The following EHBP1 variants were observed in gnomAD, a reference collection of about 807,000 sequenced individuals.
EHBP1 encodes EH domain-binding protein 1.
Under a neutral mutation model 144.0 loss-of-function variants are expected in EHBP1, and 55 were observed. The ratio of observed to expected loss-of-function variants is 0.38; its 90% CI spans 0.31 to 0.48. EHBP1 has a LOEUF of 0.48. EHBP1 is among the 20% of genes least tolerant of loss of function. The pLI, the probability that EHBP1 is intolerant of heterozygous loss-of-function variation, is 0.98. For synonymous variants in EHBP1, 469 were observed against 472.7 expected, an observed-to-expected ratio of 0.99 and a Z score of 0.10; for missense variants, 1,200 against 1,364.2, an observed-to-expected ratio of 0.88 and a Z score of 1.90.
At chr2:62,887,861 G>T (rs1287547392) in intron 10 of EHBP1, among the ~76,000 whole-genome samples, 1 of 152,108 alleles carries the variant, frequency 6.6e-6, no homozygotes, top group Non-Finnish European at 1.5e-5. Flanking sequence ...AAAAACCCAG[G>T]CTGTCGAAGT....
chr2:62,680,352 G>A (rs945562618), intron 1 of EHBP1, among the ~76,000 whole-genome samples: 1 of 152,168 alleles, frequency 6.6e-6, no homozygotes, highest in African/African-American at 2.4e-5. Context: ...AATTACCAGA[G>A]GCAAAGGAGA....
chr2:62,998,034 C>G (rs1559045657), intron 19 of EHBP1, among the ~76,000 whole-genome samples: 1 of 151,084 alleles, frequency 6.6e-6, no homozygotes, highest in Non-Finnish European at 1.5e-5. Flanking sequence ...AATTTAAAAC[C>G]AAAAATACTT....
intron 15 of EHBP1, among the ~76,000 whole-genome samples, chr2:62,986,754 G>C (rs562753098): frequency 6.6e-5 from 10 of 151,782 alleles, no homozygotes; most frequent in Non-Finnish European, 1.2e-4. Context: ...TTTCTTTATT[G>C]TTTTCTTCTT....
intron 5 of EHBP1, among the ~76,000 whole-genome samples, chr2:62,808,802 A>G (rs889926484): frequency 2.6e-5 from 4 of 152,148 alleles, no homozygotes; most frequent in Admixed American, 2.6e-4. Flanking sequence ...ATTAGGTTTC[A>G]GTCTTAGAGT....
At position 62,730,924 on chromosome 2, in the gene EHBP1, G is replaced by C. The variant is rs373787273; in HGVS notation, c.105-16471G>C. On this transcript the variant is annotated intron_variant, in intron 2 of 22. Transcript: ENST00000431489. ...AGACACAGTGAGAGAGACAGGTAGAGAGAGAGACAGAGATAGAAAGACAGA... is the reference window on the plus strand; with the variant it reads ...AGACACAGTGAGAGAGACAGGTAGACAGAGAGACAGAGATAGAAAGACAGA... Among the ~76,000 whole-genome samples, 3 of 149,258 alleles carry C rather than the reference G, an allele frequency of 2.0e-5. No homozygotes were observed. In the Admixed American group the frequency reaches 2.0e-4, roughly 10 times the overall value.
At chr2:62,829,964 G>A (rs188747815) in intron 6 of EHBP1, among the ~76,000 whole-genome samples, 11 of 150,814 alleles carry the variant, frequency 7.3e-5, no homozygotes, top group East Asian at 1.9e-4. Context: ...TAGAACTACC[G>A]TCTGATCCAG....
At chr2:62,719,936 A>C (rs138016712) in intron 2 of EHBP1, among the ~76,000 whole-genome samples, 271 of 152,270 alleles carry the variant, frequency 1.8e-3, no homozygotes, top group Middle Eastern at 3.4e-3. Flanking sequence ...TCAAAATTAG[A>C]TTGCTACTTT....
intron 12 of EHBP1, among the ~76,000 whole-genome samples, 188 bp downstream of exon 12, chr2:62,944,038 A>G (rs915072999): frequency 3.9e-5 from 6 of 152,224 alleles, no homozygotes; most frequent in Non-Finnish European, 8.8e-5. Context: ...AAAGACCACA[A>G]GTGCCAGGTT....
At chr2:62,914,182 G>T (rs896121252) in intron 10 of EHBP1, among the ~76,000 whole-genome samples, 11 of 152,132 alleles carry the variant, frequency 7.2e-5, no homozygotes, top group Non-Finnish European at 1.5e-4. Flanking sequence ...AGAGCTAAAT[G>T]AGAGTGGGAG....
At chr2:62,959,299 C>T (rs376004302) in intron 14 of EHBP1, among the ~76,000 whole-genome samples, 1 of 152,282 alleles carries the variant, frequency 6.6e-6, no homozygotes, top group South Asian at 2.1e-4. Context: ...AGGTGGTTTT[C>T]ACATCTTGGC....
chr2:62,785,855 C>T (rs1024592895), intron 5 of EHBP1, among the ~76,000 whole-genome samples: 2 of 152,074 alleles, frequency 1.3e-5, no homozygotes, highest in African/African-American at 4.8e-5. Flanking sequence ...TATATAACTC[C>T]TTGCCCAAAT....
At chr2:62,904,699 A>T (rs924273426) in intron 10 of EHBP1, among the ~76,000 whole-genome samples, 3 of 152,164 alleles carry the variant, frequency 2.0e-5, no homozygotes, top group Admixed American at 1.3e-4. Context: ...CTCACTTGAG[A>T]TCTAACTCAA....
intron 4 of EHBP1, among the ~76,000 whole-genome samples, chr2:62,769,481 G>A (rs944727946): frequency 1.3e-5 from 2 of 151,966 alleles, no homozygotes; most frequent in Admixed American, 6.6e-5. Context: ...GATGAAAACT[G>A]CAAAACACTG....
At chr2:62,821,132 GA>G (rs1314268745) in intron 5 of EHBP1, among the ~76,000 whole-genome samples, 3 of 151,800 alleles carry the variant, frequency 2.0e-5, no homozygotes, top group Non-Finnish European at 4.4e-5. Context: ...ATAAAGCCCT[GA>G]AAAATTATAA....
intron 5 of EHBP1, among the ~76,000 whole-genome samples, chr2:62,777,160 C>T (rs746920338): frequency 6.6e-5 from 10 of 152,098 alleles, no homozygotes; most frequent in East Asian, 1.9e-4. Context: ...TTTGTAGAGA[C>T]GGAGTCTCCC....
At chr2:62,974,950 C>T (rs953600630) in intron 14 of EHBP1, among the ~76,000 whole-genome samples, 3 of 152,156 alleles carry the variant, frequency 2.0e-5, no homozygotes, top group Non-Finnish European at 4.4e-5. Flanking sequence ...CTATTATGCT[C>T]TACAAATTCT....
chr2:62,978,688 A>G (rs1432321979), intron 14 of EHBP1, among the ~76,000 whole-genome samples: 2 of 152,182 alleles, frequency 1.3e-5, no homozygotes, highest in Non-Finnish European at 2.9e-5. Context: ...ATGTACTGAT[A>G]AACTATCCCT....
At chr2:62,947,687 CTAGGTTG>C in intron 12 of EHBP1, among the ~76,000 whole-genome samples, 1 of 152,280 alleles carries the variant, frequency 6.6e-6, no homozygotes, top group East Asian at 1.9e-4. Context: ...ACATTCTCAA[CTAGGTTG>C]TAGTACTCAA....
Position 62,690,392 on chromosome 2 carries a change from T to C in EHBP1, c.-296+16309T>C, listed in dbSNP as rs561313259. Among the ~76,000 whole-genome samples the C allele has an allele frequency of 7.2e-5, 11 of 152,092 alleles. No homozygotes were observed. In the South Asian group the frequency reaches 1.2e-3, roughly 17 times the overall value. ...ACCTGGCCAAGATGGTGAAACCCTGTCTCTACTAAAAATACAAAAATTAGC... is the reference window on the plus strand; with the variant it reads ...ACCTGGCCAAGATGGTGAAACCCTGCCTCTACTAAAAATACAAAAATTAGC... On this transcript the variant is annotated intron_variant, in intron 1 of 22. Coordinates refer to the EHBP1 transcript ENST00000405015.
Sources: gnomAD v4.1 joint callset for allele counts (sites outside exome capture counted in the v4.1 genomes callset) on GRCh38, gnomAD v4.1.1 for gene constraint, MANE v1.5 for transcripts, NCBI Gene and HGNC (gene_info 2026-07-23, HGNC 2026-07-21) for gene names.